The following NLGN1 variants were observed in gnomAD, a reference collection of about 807,000 sequenced individuals.
NLGN1 encodes neuroligin-1.
In NLGN1, 12 loss-of-function variants were observed where a neutral mutation model predicts 65.5. The ratio of observed to expected loss-of-function variants is 0.18; its 90% CI spans 0.12 to 0.30. NLGN1 has a LOEUF of 0.30. NLGN1 is among the 10% of genes least tolerant of loss of function. The pLI, the probability that NLGN1 is intolerant of heterozygous loss-of-function variation, is 1.00. For missense variants in NLGN1, 750 were observed against 1,007.1 expected, an observed-to-expected ratio of 0.74 and a Z score of 3.46; for synonymous variants, 350 against 359.5, an observed-to-expected ratio of 0.97 and a Z score of 0.30.
At chr3:173,615,699 G>T (rs1183880516) in intron 3 of NLGN1, among the ~76,000 whole-genome samples, 1 of 149,904 alleles carries the variant, frequency 6.7e-6, no homozygotes, top group African/African-American at 2.5e-5. Context: ...GCCCACCTTA[G>T]TTGCTCTGCC....
At chr3:173,892,039 T>G (rs1735438658) in intron 4 of NLGN1, among the ~76,000 whole-genome samples, 1 of 152,200 alleles carries the variant, frequency 6.6e-6, no homozygotes, top group Admixed American at 6.5e-5. Context: ...ACTGTTCTAC[T>G]TAAGCACATC....
chr3:174,154,043 C>T lies in NLGN1; in HGVS notation c.647-121272C>T, dbSNP rs552886481. 3.3e-5 allele frequency among the ~76,000 whole-genome samples: 5 copies of T among 152,076 alleles called. No individual in the cohort carries two copies. In the South Asian group the frequency reaches 1.0e-3, roughly 32 times the overall value. ...AATAAAATGTAACTGTGATTCACTT[C>T]CATATGTGGTTAATGGCCCATGGCA... On this transcript the variant is annotated intron_variant, in intron 4 of 6. Transcript: ENST00000457714.
chr3:173,697,421 C>T (rs1766385459), intron 3 of NLGN1, among the ~76,000 whole-genome samples: 1 of 152,008 alleles, frequency 6.6e-6, no homozygotes, highest in African/African-American at 2.4e-5. Flanking sequence ...CATTAGTGGC[C>T]AGTTTTATTT....
At chr3:173,908,540 A>G (rs1047308712) in intron 4 of NLGN1, among the ~76,000 whole-genome samples, 4 of 152,146 alleles carry the variant, frequency 2.6e-5, no homozygotes, top group African/African-American at 9.7e-5. Flanking sequence ...AATGTGCAAT[A>G]TAGTAATTTC....
chr3:173,833,867 AC>A (rs931749211), intron 4 of NLGN1, among the ~76,000 whole-genome samples: 1 of 152,188 alleles, frequency 6.6e-6, no homozygotes, highest in East Asian at 1.9e-4. Context: ...AGTCAAATAT[AC>A]ATTTTTTTTC....
Position 174,274,887 on chromosome 3 carries a change from A to T in NLGN1, c.647-428A>T, listed in dbSNP as rs994446856. On this transcript the variant is annotated intron_variant, in intron 4 of 6. Coordinates refer to ENST00000457714, the Ensembl canonical transcript of NLGN1. The stretch of plus-strand genomic sequence containing the variant: ...CATGTCCATCCTGCCATTCTGCCAC[A>T]CATACATACCTAACATTCCAACCAC... 3.3e-5 allele frequency among the ~76,000 whole-genome samples: 5 copies of T among 151,858 alleles called. No individual in the cohort carries two copies. In the South Asian group the frequency reaches 1.0e-3, roughly 31 times the overall value.
intron 4 of NLGN1, chr3:174,136,588 A>C (rs1721259343): frequency 6.6e-6 from 1 of 152,076 alleles, no homozygotes. Flanking sequence ...GAGGTAAGGA[A>C]GAGATATTGT....
At chr3:174,247,438 T>C (rs1315533557) in intron 4 of NLGN1, among the ~76,000 whole-genome samples, 1 of 152,184 alleles carries the variant, frequency 6.6e-6, no homozygotes, top group African/African-American at 2.4e-5. Context: ...CCTACGTTTT[T>C]CTGTTAAGAG....
At chr3:173,723,546 T>G (rs967779562) in intron 3 of NLGN1, among the ~76,000 whole-genome samples, 7 of 152,172 alleles carry the variant, frequency 4.6e-5, no homozygotes, top group Non-Finnish European at 1.0e-4. Flanking sequence ...GTCCCAATAG[T>G]GCCTATAATT....
intron 3 of NLGN1, among the ~76,000 whole-genome samples, chr3:173,790,775 C>T (rs1215268652): frequency 4.6e-5 from 7 of 152,044 alleles, no homozygotes; most frequent in Non-Finnish European, 7.4e-5. Context: ...TTTAACTAAA[C>T]TTCTCTATGC....
intron 4 of NLGN1, among the ~76,000 whole-genome samples, chr3:173,961,979 T>C (rs1042058012): frequency 2.6e-5 from 4 of 151,968 alleles, no homozygotes; most frequent in African/African-American, 9.7e-5. Flanking sequence ...CTTAACTTTG[T>C]GCTGGTCTCT....
At chr3:174,239,599 TG>T (rs1742419407) in intron 4 of NLGN1, among the ~76,000 whole-genome samples, 1 of 152,226 alleles carries the variant, frequency 6.6e-6, no homozygotes, top group African/African-American at 2.4e-5. Flanking sequence ...TGTTTCCTTT[TG>T]TATTAATTTT....
intron 4 of NLGN1, among the ~76,000 whole-genome samples, chr3:174,113,169 G>T (rs1026912946): frequency 6.6e-6 from 1 of 151,870 alleles, no homozygotes; most frequent in African/African-American, 2.4e-5. Flanking sequence ...TAAGTACTTT[G>T]ACATTTTTCT....
chr3:173,758,659 C>G (rs902237376), intron 3 of NLGN1, among the ~76,000 whole-genome samples: 1 of 151,916 alleles, frequency 6.6e-6, no homozygotes, highest in African/African-American at 2.4e-5. Flanking sequence ...TATTCTTCAA[C>G]CAAAATAAAC....
intron 4 of NLGN1, among the ~76,000 whole-genome samples, chr3:174,238,938 C>T (rs1468807723): frequency 6.6e-6 from 1 of 152,134 alleles, no homozygotes; most frequent in Non-Finnish European, 1.5e-5. Flanking sequence ...ATGTTTGCTA[C>T]TCAATGGGGT....
intron 4 of NLGN1, among the ~76,000 whole-genome samples, chr3:173,978,322 C>CACTA (rs1459126477): frequency 6.6e-6 from 1 of 151,964 alleles, no homozygotes; most frequent in Non-Finnish European, 1.5e-5. Flanking sequence ...TTGGTGTAAC[C>CACTA]ACTAAGATGA....
At chr3:173,838,486 T>G (rs1425477910) in intron 4 of NLGN1, among the ~76,000 whole-genome samples, 1 of 152,188 alleles carries the variant, frequency 6.6e-6, no homozygotes, top group Non-Finnish European at 1.5e-5. Context: ...TGTTTAGTAA[T>G]TTTGTGTACC....
chr3:173,954,087 A>G (rs1269118871), intron 4 of NLGN1, among the ~76,000 whole-genome samples: 1 of 152,234 alleles, frequency 6.6e-6, no homozygotes, highest in African/African-American at 2.4e-5. Context: ...TTGTAAAATC[A>G]GTAAAAATGT....
chr3:173,502,462 G>A (rs1731298491), intron 2 of NLGN1, among the ~76,000 whole-genome samples: 1 of 152,218 alleles, frequency 6.6e-6, no homozygotes. Context: ...CAGAGAATAT[G>A]AGCTACTGTT....
Sources: gnomAD v4.1 joint callset for allele counts (sites outside exome capture counted in the v4.1 genomes callset) on GRCh38, gnomAD v4.1.1 for gene constraint, MANE v1.5 for transcripts, NCBI Gene and HGNC (gene_info 2026-07-23, HGNC 2026-07-21) for gene names.